The following MAML3 variants were observed in gnomAD, a reference collection of about 807,000 sequenced individuals.
The protein encoded by MAML3 is mastermind-like protein 3.
In MAML3, 27 loss-of-function variants were observed where a neutral mutation model predicts 101.9. The ratio of observed to expected loss-of-function variants is 0.27; its 90% confidence interval spans 0.20 to 0.37. The LOEUF (loss-of-function observed/expected upper bound fraction) is 0.37. Among genes scored for constraint, MAML3 ranks in the 10% least tolerant of loss-of-function variants. The probability of loss-of-function intolerance (pLI) is 1.00; values close to 1 mark genes in which losing one functional copy is unlikely to be tolerated. For synonymous variants in MAML3, 501 were observed against 555.9 expected (o/e 0.90, Z 1.39); for missense variants, 1,316 against 1,444.9 (o/e 0.91, Z 1.45).
intron 1 of MAML3, among the ~76,000 whole-genome samples, chr4:140,067,735 T>C (rs926448407): frequency 1.0e-4 from 15 of 150,474 alleles, no homozygotes; most frequent in African/African-American, 3.4e-4. Flanking sequence ...TCTTTTTTTT[T>C]TTTTTTTTTT....
intron 2 of MAML3, among the ~76,000 whole-genome samples, chr4:139,742,731 C>A (rs1373902249): frequency 6.6e-6 from 1 of 152,140 alleles, no homozygotes; most frequent in Admixed American, 6.5e-5. Flanking sequence ...TGAAATGAGA[C>A]CCTAGAATAA....
At chr4:140,126,237 C>CCAACTA (rs1368535431) in intron 1 of MAML3, among the ~76,000 whole-genome samples, 2 of 151,380 alleles carry the variant, frequency 1.3e-5, no homozygotes, top group Non-Finnish European at 2.9e-5. Context: ...AAAAGGTTTA[C>CCAACTA]CAACTACTTG....
At position 139,716,970 on chromosome 4, in the gene MAML3, A is replaced by C. The variant is rs934697168; in HGVS notation, c.*2353T>G. 6.6e-6 allele frequency: 1 copy of C among 152,640 alleles called. No homozygotes were observed. The highest frequency in any genetic ancestry group is 2.4e-5 in the African/African-American group (1 of 41,448). The allele number at this position is 152,640 out of a possible 1,614,324, so 9.5% of individuals were successfully genotyped here. A position where few individuals can be genotyped will look rare whatever the true frequency, so the allele number is the denominator to read the frequency against. On this transcript the variant is annotated 3_prime_UTR_variant, in exon 5 of 5. Transcript: ENST00000509479. ...AAATTAGTAATTAGATGTCATCTGAAGTGCAATACCACTGCTGTGATGATG... is the reference window on the plus strand; with the variant it reads ...AAATTAGTAATTAGATGTCATCTGACGTGCAATACCACTGCTGTGATGATG...
chr4:140,104,625 T>C (rs1047293870), intron 1 of MAML3, among the ~76,000 whole-genome samples: 9 of 149,568 alleles, frequency 6.0e-5, no homozygotes, highest in Admixed American at 4.0e-4. Context: ...CACGAGAAGC[T>C]GGTATTACAG....
chr4:139,783,957 T>A (rs1730261549), intron 2 of MAML3, among the ~76,000 whole-genome samples: 1 of 152,244 alleles, frequency 6.6e-6, no homozygotes, highest in Admixed American at 6.5e-5. Flanking sequence ...CTAACCAGCA[T>A]GTCAGAGAGG....
chr4:139,929,776 G>A (rs1196175509), intron 1 of MAML3, among the ~76,000 whole-genome samples: 1 of 152,208 alleles, frequency 6.6e-6, no homozygotes, highest in Non-Finnish European at 1.5e-5. Flanking sequence ...AGAGCTAAAT[G>A]TGTTCATGTG....
intron 1 of MAML3, among the ~76,000 whole-genome samples, chr4:140,104,018 T>C (rs921099802): frequency 2.6e-5 from 4 of 152,098 alleles, no homozygotes; most frequent in African/African-American, 9.7e-5. Flanking sequence ...TCAGTAAAGA[T>C]ACAGTACGTG....
At chr4:139,825,766 A>G (rs1345791675) in intron 2 of MAML3, among the ~76,000 whole-genome samples, 1 of 46,398 alleles carries the variant, frequency 2.2e-5, no homozygotes. Flanking sequence ...GAGAAGAAGG[A>G]AAAAAAAAAA....
intron 1 of MAML3, among the ~76,000 whole-genome samples, chr4:140,116,901 G>A (rs559412425): frequency 6.6e-6 from 1 of 152,280 alleles, no homozygotes; most frequent in East Asian, 1.9e-4. Flanking sequence ...CAGACACAGA[G>A]TATAGCTATG....
intron 2 of MAML3, among the ~76,000 whole-genome samples, chr4:139,779,670 C>T (rs182897950): frequency 5.3e-5 from 8 of 152,324 alleles, no homozygotes; most frequent in Non-Finnish European, 1.0e-4. Context: ...GACCGGAACA[C>T]GGACTGGATT....
At chr4:139,907,984 T>C (rs2111220041) in intron 1 of MAML3, among the ~76,000 whole-genome samples, 1 of 152,294 alleles carries the variant, frequency 6.6e-6, no homozygotes, top group African/African-American at 2.4e-5. Flanking sequence ...TTACCTAGAA[T>C]AAGCAGATGG....
intron 1 of MAML3, among the ~76,000 whole-genome samples, chr4:139,936,108 C>T (rs919787142): frequency 1.3e-5 from 2 of 152,142 alleles, no homozygotes; most frequent in African/African-American, 4.8e-5. Flanking sequence ...TAAATGATAT[C>T]ATGCAGTATC....
At chr4:139,898,240 A>G (rs1031307480) in intron 1 of MAML3, among the ~76,000 whole-genome samples, 1 of 152,278 alleles carries the variant, frequency 6.6e-6, no homozygotes, top group Non-Finnish European at 1.5e-5. Context: ...GTTGGACTGC[A>G]TAGTGTTCTC....
chr4:140,112,747 T>A (rs940221198), intron 1 of MAML3, among the ~76,000 whole-genome samples: 2 of 152,254 alleles, frequency 1.3e-5, no homozygotes, highest in African/African-American at 4.8e-5. Context: ...GTTACTTCCC[T>A]GCTTGTGCCA....
chr4:140,149,193 T>C (rs1729114600), intron 1 of MAML3, among the ~76,000 whole-genome samples: 2 of 152,238 alleles, frequency 1.3e-5, no homozygotes, highest in African/African-American at 4.8e-5. Flanking sequence ...GTGAAGTCAA[T>C]AATTTTCACC....
intron 1 of MAML3, among the ~76,000 whole-genome samples, chr4:140,082,114 G>A (rs1727868956): frequency 6.6e-6 from 1 of 152,156 alleles, no homozygotes; most frequent in Non-Finnish European, 1.5e-5. Flanking sequence ...TCTGCGGAGT[G>A]AATGTAAGCA....
chr4:139,880,847 CT>C (rs1217622065), intron 2 of MAML3, among the ~76,000 whole-genome samples: 1 of 152,166 alleles, frequency 6.6e-6, no homozygotes, highest in Non-Finnish European at 1.5e-5. Flanking sequence ...CCACATTAAT[CT>C]TGGCTTCCTC....
intron 1 of MAML3, among the ~76,000 whole-genome samples, chr4:140,145,722 C>G (rs989337587): frequency 3.3e-5 from 5 of 151,630 alleles, no homozygotes; most frequent in Non-Finnish European, 5.9e-5. Flanking sequence ...TGCGCCACCA[C>G]GCCCGGCTAA....
intron 1 of MAML3, among the ~76,000 whole-genome samples, chr4:139,927,676 C>G (rs1023353024): frequency 6.6e-6 from 1 of 152,128 alleles, no homozygotes; most frequent in African/African-American, 2.4e-5. Context: ...TTACGTTATT[C>G]TGTGGGTGAA....
Sources: allele counts gnomAD v4.1 joint callset (sites outside exome capture counted in the v4.1 genomes callset), GRCh38; gene constraint gnomAD v4.1.1; transcripts MANE v1.5; gene names NCBI Gene and HGNC (gene_info 2026-07-23, HGNC 2026-07-21).